The following MYO10 variants were observed in gnomAD, a reference collection of about 807,000 sequenced individuals.
MYO10 encodes myosin X, also known as unconventional myosin-X.
Under a neutral mutation model 257.3 loss-of-function variants are expected in MYO10, and 133 were observed. That is an observed-to-expected ratio of 0.52 (90% CI 0.45 to 0.60). MYO10 has a LOEUF of 0.60. Ranked by LOEUF, MYO10 falls within the 20% of genes least tolerant of loss-of-function variation. The pLI, the probability that MYO10 is intolerant of heterozygous loss-of-function variation, is 0.00. For missense variants in MYO10, 2,399 were observed against 2,635.7 expected, an observed-to-expected ratio of 0.91 and a Z score of 1.97; for synonymous variants, 1,104 against 1,028.6, an observed-to-expected ratio of 1.07 and a Z score of -1.40.
chr5:16,767,375 G>A (rs1010913507), intron 10 of MYO10, among the ~76,000 whole-genome samples: 1 of 151,618 alleles, frequency 6.6e-6, no homozygotes. Context: ...TCACCGTATC[G>A]GCCTGGCTGG....
chr5:16,676,772 G>A (rs190440808), intron 33 of MYO10, among the ~76,000 whole-genome samples: 62 of 152,340 alleles, frequency 4.1e-4, no homozygotes, highest in African/African-American at 1.5e-3. Context: ...GAGAGCCAAA[G>A]GCAGGAGGAT....
chr5:16,687,552 GA>G (rs1190373579), intron 28 of MYO10, among the ~76,000 whole-genome samples: 1 of 151,550 alleles, frequency 6.6e-6, no homozygotes, highest in Non-Finnish European at 1.5e-5. Flanking sequence ...AGGCAGAGGG[GA>G]AGTACTTGGT....
intron 3 of MYO10, among the ~76,000 whole-genome samples, chr5:16,812,487 C>G (rs902229077): frequency 3.3e-5 from 5 of 152,300 alleles, no homozygotes; most frequent in Non-Finnish European, 7.3e-5. Flanking sequence ...CATAAGCACA[C>G]TCAAACCCAA....
At chr5:16,865,811 G>GATGATAATAATAATA (rs1554004308) in intron 2 of MYO10, among the ~76,000 whole-genome samples, 1 of 142,630 alleles carries the variant, frequency 7.0e-6, no homozygotes, top group Non-Finnish European at 1.5e-5. Flanking sequence ...ACTCCGTCTC[G>GATGATAATAATAATA]ATAATAATAA....
intron 30 of MYO10, among the ~76,000 whole-genome samples, 166 bp downstream of exon 30, chr5:16,683,714 T>C (rs1024336181): frequency 2.0e-5 from 3 of 152,128 alleles, no homozygotes; most frequent in African/African-American, 7.2e-5. Flanking sequence ...GATGTAAAAT[T>C]GGGTACCAAG....
chr5:16,694,545 G>A lies in MYO10; in HGVS notation c.3626C>T (p.Ser1209Phe). Residue 1209 changes from serine to phenylalanine, a missense_variant, in exon 27 of 41, where the codon TCC (serine) becomes TTC (phenylalanine). Physicochemically the swap from Ser to Phe is radical, Grantham distance 155 (BLOSUM62 -2). Coordinates refer to ENST00000513610, the MANE Select transcript of MYO10 (RefSeq NM_012334.3). ...LKDETFLWFRSKQEALKQGWL... is the reference protein window; with the variant it reads ...LKDETFLWFRFKQEALKQGWL... ...GCCTTGCTTGAGGGCCTCCTGCTTG[G>A]AGCGGAACCACAAGAAGGTTTCATC... 1 of 1,613,992 alleles carries A rather than the reference G, an allele frequency of 6.2e-7. No individual in the cohort carries two copies. The highest frequency in any genetic ancestry group is 1.1e-5 in the South Asian group (1 of 91,088).
intron 1 of MYO10, among the ~76,000 whole-genome samples, chr5:16,891,527 G>A (rs1195676081): frequency 6.6e-6 from 1 of 152,022 alleles, no homozygotes; most frequent in Non-Finnish European, 1.5e-5. Context: ...TCTGGAGTAG[G>A]AAAATGTGAT....
chr5:16,926,936 C>A (rs1248801575), intron 1 of MYO10, among the ~76,000 whole-genome samples: 1 of 152,148 alleles, frequency 6.6e-6, no homozygotes, highest in African/African-American at 2.4e-5. Flanking sequence ...TAATTAAATT[C>A]ACTCATGTTT....
At chr5:16,883,185 G>T (rs1744806513) in intron 1 of MYO10, among the ~76,000 whole-genome samples, 1 of 152,080 alleles carries the variant, frequency 6.6e-6, no homozygotes, top group Admixed American at 6.5e-5. Context: ...AAAGTGCTGG[G>T]ATTACAGGTG....
chr5:16,790,912 TACAC>T (rs3993823), intron 4 of MYO10, among the ~76,000 whole-genome samples: 10,362 of 148,066 alleles, frequency 0.07, 828 homozygotes, highest in African/African-American at 0.19. Context: ...TATATATATA[TACAC>T]ACACACACAC....
intron 19 of MYO10, among the ~76,000 whole-genome samples, chr5:16,727,419 G>A (rs1191672805): frequency 1.3e-5 from 2 of 152,084 alleles, no homozygotes; most frequent in Non-Finnish European, 2.9e-5. Flanking sequence ...TTTGATATAA[G>A]GCTTGCATGT....
intron 2 of MYO10, among the ~76,000 whole-genome samples, chr5:16,831,936 G>A (rs1743175017): frequency 6.6e-6 from 1 of 152,064 alleles, no homozygotes; most frequent in Admixed American, 6.6e-5. Flanking sequence ...GTTTTTGGGT[G>A]TGTGTGTGTT....
intron 4 of MYO10, among the ~76,000 whole-genome samples, chr5:16,794,227 CCTTGTTCA>C (rs1274144119): frequency 6.6e-6 from 1 of 152,016 alleles, no homozygotes; most frequent in Middle Eastern, 3.4e-3. Context: ...AAAAAAGAAA[CCTTGTTCA>C]CATACATAAG....
intron 1 of MYO10, among the ~76,000 whole-genome samples, chr5:16,928,793 C>T (rs1746211494): frequency 4.0e-5 from 6 of 150,078 alleles, no homozygotes; most frequent in Admixed American, 2.7e-4. Flanking sequence ...TGCAGTGAGC[C>T]GAGATCACAC....
intron 3 of MYO10, among the ~76,000 whole-genome samples, chr5:16,796,950 AG>A (rs1329030152): frequency 6.6e-6 from 1 of 151,470 alleles, no homozygotes; most frequent in Non-Finnish European, 1.5e-5. Context: ...AAAAGACACC[AG>A]GGATGCATAC....
chr5:16,685,866 C>A, intron 28 of MYO10, 35 bp from the exon 29 acceptor site: 1 of 1,525,958 alleles, frequency 6.6e-7, no homozygotes, highest in Non-Finnish European at 8.9e-7. Context: ...CAAGGAGAGG[C>A]CAACCTCGTA....
At chr5:16,685,947 TTTGA>T in intron 28 of MYO10, 116 bp from the exon 29 acceptor site, 1 of 726,878 alleles carries the variant, frequency 1.4e-6, no homozygotes, top group Non-Finnish European at 2.4e-6. Flanking sequence ...TTGCTTTTAA[TTTGA>T]TTACTTCTTA....
chr5:16,794,436 G>A (rs1426223685), intron 4 of MYO10, among the ~76,000 whole-genome samples: 1 of 146,926 alleles, frequency 6.8e-6, no homozygotes, highest in Non-Finnish European at 1.5e-5. Context: ...CTGAGGACAA[G>A]AGCCAAGCAA....
chr5:16,677,952 G>C (rs1736812860), intron 33 of MYO10, among the ~76,000 whole-genome samples: 1 of 151,672 alleles, frequency 6.6e-6, no homozygotes, highest in Non-Finnish European at 1.5e-5. Flanking sequence ...CAAGAGACAG[G>C]GTTTCATCAT....
Sources: gnomAD v4.1 joint callset for allele counts (sites outside exome capture counted in the v4.1 genomes callset) on GRCh38, gnomAD v4.1.1 for gene constraint, MANE v1.5 for transcripts, NCBI Gene and HGNC (gene_info 2026-07-23, HGNC 2026-07-21) for gene names.